TAS2R1: variants seen among roughly 807,000 people sequenced by gnomAD.
TAS2R1 encodes taste receptor type 2 member 1.
For missense variants in TAS2R1, 370 were observed against 353.4 expected (o/e 1.05, Z -0.38); for synonymous variants, 141 against 134.2 (o/e 1.05, Z -0.35).
chr5:9,678,865 C>T (rs539408736), intron 1 of TAS2R1, among the ~76,000 whole-genome samples: 2 of 152,116 alleles, frequency 1.3e-5, no homozygotes, highest in South Asian at 2.1e-4. Context: ...ATGTGTGCAG[C>T]GAATCACCAT....
the TAS2R1 span, among the ~76,000 whole-genome samples, chr5:9,766,633 C>A: frequency 1.3e-5 from 2 of 152,322 alleles, no homozygotes; most frequent in South Asian, 2.1e-4. Context: ...ACACATCTGT[C>A]AACTGAATAC....
At chr5:9,885,834 T>C in the TAS2R1 span, among the ~76,000 whole-genome samples, 1 of 151,772 alleles carries the variant, frequency 6.6e-6, no homozygotes, top group Non-Finnish European at 1.5e-5. Context: ...ATAAAACATA[T>C]ATAAAAAAAC....
At chr5:9,867,929 C>A in the TAS2R1 span, among the ~76,000 whole-genome samples, 1 of 152,162 alleles carries the variant, frequency 6.6e-6, no homozygotes, top group Non-Finnish European at 1.5e-5. Context: ...GTGTGAAATC[C>A]AGCAGGGCAG....
chr5:9,647,847 C>T (rs1177979553), intron 2 of TAS2R1, among the ~76,000 whole-genome samples: 1 of 152,082 alleles, frequency 6.6e-6, no homozygotes, highest in African/African-American at 2.4e-5. Context: ...CCCTGCCTGG[C>T]ATGAAACATC....
chr5:9,782,091 A>G, the TAS2R1 span, among the ~76,000 whole-genome samples: 4 of 152,214 alleles, frequency 2.6e-5, no homozygotes, highest in Admixed American at 2.6e-4. Context: ...TTGATGTGCT[A>G]TTCCTTCTCA....
chr5:9,841,287 CT>C, the TAS2R1 span, among the ~76,000 whole-genome samples: 1 of 152,152 alleles, frequency 6.6e-6, no homozygotes. Flanking sequence ...TCATTTTTCT[CT>C]TGAAATATTA....
At chr5:9,636,201 A>T (rs1423771208) in intron 2 of TAS2R1, among the ~76,000 whole-genome samples, 1 of 152,038 alleles carries the variant, frequency 6.6e-6, no homozygotes, top group African/African-American at 2.4e-5. Context: ...TGACCCAAAG[A>T]TTATTCAAGA....
At chr5:9,656,386 A>G (rs1740418965) in intron 2 of TAS2R1, among the ~76,000 whole-genome samples, 1 of 152,228 alleles carries the variant, frequency 6.6e-6, no homozygotes, top group Non-Finnish European at 1.5e-5. Flanking sequence ...ATAATTTACC[A>G]AAAAGAATTG....
the TAS2R1 span, among the ~76,000 whole-genome samples, chr5:9,859,947 T>C: frequency 6.6e-6 from 1 of 152,336 alleles, no homozygotes; most frequent in African/African-American, 2.4e-5. Flanking sequence ...GTGTGCATTG[T>C]TGTAAAATAT....
chr5:9,745,952 A>C, the TAS2R1 span, among the ~76,000 whole-genome samples: 1 of 152,240 alleles, frequency 6.6e-6, no homozygotes, highest in Non-Finnish European at 1.5e-5. Flanking sequence ...CTGCACAGCA[A>C]AAGAAACTAT....
chr5:9,738,242 A>G, the TAS2R1 span, among the ~76,000 whole-genome samples: 2 of 152,308 alleles, frequency 1.3e-5, no homozygotes, highest in African/African-American at 4.8e-5. Context: ...CTCAGAGTTT[A>G]TAAGTCCAAG....
the TAS2R1 span, among the ~76,000 whole-genome samples, chr5:9,792,908 A>C: frequency 6.6e-6 from 1 of 152,270 alleles, no homozygotes; most frequent in South Asian, 2.1e-4. Context: ...CCCAAATCCA[A>C]GCATATTCTC....
the TAS2R1 span, among the ~76,000 whole-genome samples, chr5:9,736,911 G>A: frequency 6.6e-6 from 1 of 152,174 alleles, no homozygotes; most frequent in African/African-American, 2.4e-5. Context: ...TAAGGTCATA[G>A]TTAGAAATGC....
chr5:9,787,494 AC>A, the TAS2R1 span, among the ~76,000 whole-genome samples: 1 of 152,198 alleles, frequency 6.6e-6, no homozygotes, highest in African/African-American at 2.4e-5. Context: ...AAGTGGTCCT[AC>A]AGAAGAACTC....
the TAS2R1 span, among the ~76,000 whole-genome samples, chr5:9,818,292 A>C: frequency 6.6e-6 from 1 of 152,206 alleles, no homozygotes; most frequent in Non-Finnish European, 1.5e-5. Flanking sequence ...TAGGACAAGA[A>C]ACATTCTTGC....
At chr5:9,804,896 G>A in the TAS2R1 span, among the ~76,000 whole-genome samples, 1 of 151,892 alleles carries the variant, frequency 6.6e-6, no homozygotes, top group African/African-American at 2.4e-5. Flanking sequence ...TCAAGATCGA[G>A]CAGAACTAAA....
At chr5:9,836,518 G>C in the TAS2R1 span, among the ~76,000 whole-genome samples, 1 of 151,996 alleles carries the variant, frequency 6.6e-6, no homozygotes, top group Admixed American at 6.5e-5. Flanking sequence ...AACCAAAATT[G>C]TACCCACATA....
chr5:9,704,695 C>G (rs1002136882), intron 1 of TAS2R1, among the ~76,000 whole-genome samples: 1 of 152,178 alleles, frequency 6.6e-6, no homozygotes, highest in African/African-American at 2.4e-5. Flanking sequence ...TAACTTATAA[C>G]AGAATGCAAA....
the TAS2R1 span, among the ~76,000 whole-genome samples, chr5:9,719,240 ATG>A: frequency 6.6e-6 from 1 of 151,988 alleles, no homozygotes; most frequent in Non-Finnish European, 1.5e-5. Context: ...AAAATTGTGT[ATG>A]TGTGTGTGTG....
Sources: gnomAD v4.1 joint callset for allele counts (sites outside exome capture counted in the v4.1 genomes callset) on GRCh38, gnomAD v4.1.1 for gene constraint, MANE v1.5 for transcripts, NCBI Gene and HGNC (gene_info 2026-07-23, HGNC 2026-07-21) for gene names.